XKR9: variants seen among roughly 807,000 people sequenced by gnomAD.
The protein encoded by XKR9 is XK-related protein 9.
In XKR9, 32 loss-of-function variants were observed where a neutral mutation model predicts 32.0. The observed-to-expected ratio is 1.00, with a 90% CI of 0.76 to 1.34. The LOEUF (loss-of-function observed/expected upper bound fraction) is 1.34, where lower values mean the gene tolerates loss of function less well. Among genes scored for constraint, XKR9 ranks in the 40% most tolerant of loss-of-function variants. The pLI is 0.00. For synonymous variants in XKR9, 168 were observed against 143.4 expected (o/e 1.17, Z -1.22); for missense variants, 546 against 429.7 (o/e 1.27, Z -2.39).
At chr8:70,762,966 G>C (rs1338470830) in intron 2 of XKR9, among the ~76,000 whole-genome samples, 1 of 152,098 alleles carries the variant, frequency 6.6e-6, no homozygotes, top group African/African-American at 2.4e-5. Context: ...AATTGTATGT[G>C]GTGGATTTTT....
At chr8:70,754,547 G>A (rs1440342674) in intron 2 of XKR9, among the ~76,000 whole-genome samples, 1 of 108,924 alleles carries the variant, frequency 9.2e-6, no homozygotes, top group African/African-American at 3.0e-5. Context: ...AAACAGCATG[G>A]TACTGGTACC....
At chr8:70,808,035 C>CAA in the XKR9 span, among the ~76,000 whole-genome samples, 2 of 151,392 alleles carry the variant, frequency 1.3e-5, no homozygotes, top group African/African-American at 2.4e-5. Flanking sequence ...TTAGGAAATG[C>CAA]AAAAAAAACC....
At chr8:71,025,495 C>T in the XKR9 span, among the ~76,000 whole-genome samples, 1 of 152,184 alleles carries the variant, frequency 6.6e-6, no homozygotes, top group Non-Finnish European at 1.5e-5. Flanking sequence ...AATTCAAAAG[C>T]TGTCTCTATT....
intron 4 of XKR9, among the ~76,000 whole-genome samples, chr8:70,715,795 C>G (rs11778191): frequency 0.11 from 16,513 of 151,978 alleles, 1,439 homozygotes; most frequent in Admixed American, 0.28. Flanking sequence ...TAAAACAGAA[C>G]AGTAAGTTTA....
chr8:70,697,941 A>G (rs1224848779), intron 3 of XKR9, among the ~76,000 whole-genome samples: 3 of 151,834 alleles, frequency 2.0e-5, no homozygotes, highest in Non-Finnish European at 4.4e-5. Context: ...GAATTTATCC[A>G]TTTCTTCTAG....
chr8:70,855,562 T>C, the XKR9 span, among the ~76,000 whole-genome samples: 2 of 152,230 alleles, frequency 1.3e-5, no homozygotes, highest in African/African-American at 4.8e-5. Context: ...TGCAGGATAT[T>C]ATCCAGGAGA....
At chr8:70,866,091 C>G in the XKR9 span, among the ~76,000 whole-genome samples, 5 of 152,184 alleles carry the variant, frequency 3.3e-5, no homozygotes, top group African/African-American at 1.2e-4. Flanking sequence ...ATAATTGTTT[C>G]TATTTCCTGA....
At chr8:70,749,650 C>G (rs1264522465) in intron 2 of XKR9, among the ~76,000 whole-genome samples, 1 of 152,196 alleles carries the variant, frequency 6.6e-6, no homozygotes, top group Non-Finnish European at 1.5e-5. Flanking sequence ...CCTGGCTCAC[C>G]CTTGGCAGGC....
At chr8:70,993,775 T>A in the XKR9 span, among the ~76,000 whole-genome samples, 2 of 152,028 alleles carry the variant, frequency 1.3e-5, no homozygotes, top group Non-Finnish European at 2.9e-5. Flanking sequence ...AGAATTTTAG[T>A]CTCTTTTTCC....
chr8:70,779,795 G>T (rs183412350), intron 2 of XKR9, among the ~76,000 whole-genome samples: 1 of 152,110 alleles, frequency 6.6e-6, no homozygotes, highest in Non-Finnish European at 1.5e-5. Flanking sequence ...GGGATTGGTG[G>T]TGATATCTCC....
At chr8:70,944,273 A>G in the XKR9 span, among the ~76,000 whole-genome samples, 1,113 of 152,336 alleles carry the variant, frequency 7.3e-3, 7 homozygotes, top group Non-Finnish European at 0.013. Context: ...ATCTCAGTTC[A>G]CAGTGTAAAA....
At chr8:70,801,619 T>C in the XKR9 span, among the ~76,000 whole-genome samples, 1 of 152,210 alleles carries the variant, frequency 6.6e-6, no homozygotes, top group East Asian at 1.9e-4. Flanking sequence ...CATATGCAGA[T>C]GAGAAGAATG....
chr8:70,770,491 A>T (rs1807439138), intron 2 of XKR9, among the ~76,000 whole-genome samples: 1 of 152,198 alleles, frequency 6.6e-6, no homozygotes, highest in Admixed American at 6.5e-5. Flanking sequence ...GGAACGTTTA[A>T]GTCTGCTGAA....
chr8:70,915,014 G>A, the XKR9 span, among the ~76,000 whole-genome samples: 1 of 152,048 alleles, frequency 6.6e-6, no homozygotes, highest in African/African-American at 2.4e-5. Context: ...ATAGTTTGGT[G>A]AGCAGGGGGC....
At chr8:70,809,690 A>G in the XKR9 span, among the ~76,000 whole-genome samples, 4 of 152,244 alleles carry the variant, frequency 2.6e-5, no homozygotes, top group Non-Finnish European at 5.9e-5. Flanking sequence ...AAGAAAGGGT[A>G]TCAGTGATGG....
the XKR9 span, among the ~76,000 whole-genome samples, chr8:70,888,676 A>G: frequency 6.6e-6 from 1 of 151,988 alleles, no homozygotes; most frequent in African/African-American, 2.4e-5. Flanking sequence ...GCATATGTAT[A>G]TCCAGTTTTC....
At position 70,706,947 on chromosome 8, in the gene XKR9, TA is replaced by T; in HGVS notation, c.292del (p.Arg98GlyfsTer28). 1 of 1,612,094 alleles carries T rather than the reference TA, an allele frequency of 6.2e-7. No homozygotes were observed. Among genetic ancestry groups the T allele is most frequent in the Middle Eastern group, 1.7e-4 (1 of 6,052 alleles). ...TTACTTTATAGGTATTGGTTTGCCTTAAAAAGGGGTTACCATGCAGCTTTTA... is the reference window on the plus strand; with the variant it reads ...TTACTTTATAGGTATTGGTTTGCCTTAAAAGGGGTTACCATGCAGCTTTTA... ...GGVFTRYWFA[L>X]KRGYHAAFKY... On this transcript the variant is annotated frameshift_variant, in exon 4 of 5. Transcript: ENST00000408926. LOFTEE classifies it high-confidence loss of function.
At chr8:70,947,614 A>G in the XKR9 span, among the ~76,000 whole-genome samples, 1 of 152,252 alleles carries the variant, frequency 6.6e-6, no homozygotes. Context: ...AAGAAAATAC[A>G]TATTCCAACA....
intron 2 of XKR9, among the ~76,000 whole-genome samples, chr8:70,760,606 G>A (rs2130206684): frequency 6.6e-6 from 1 of 152,276 alleles, no homozygotes; most frequent in Middle Eastern, 3.4e-3. Flanking sequence ...TGGGAGTACA[G>A]GCAGGTGCCA....
Sources: allele counts gnomAD v4.1 joint callset (sites outside exome capture counted in the v4.1 genomes callset), GRCh38; gene constraint gnomAD v4.1.1; transcripts MANE v1.5; gene names NCBI Gene and HGNC (gene_info 2026-07-23, HGNC 2026-07-21).